The following TSHZ2 variants were observed in gnomAD, a reference collection of about 807,000 sequenced individuals.
TSHZ2 encodes the protein teashirt homolog 2.
Under a neutral mutation model 74.4 loss-of-function variants are expected in TSHZ2, and 21 were observed. The observed-to-expected ratio is 0.28, with a 90% confidence interval of 0.20 to 0.41. The LOEUF is 0.41. TSHZ2 is among the 10% of genes least tolerant of loss of function. The pLI is 1.00. For missense variants in TSHZ2, 1,244 were observed against 1,293.5 expected, an observed-to-expected ratio of 0.96 and a Z score of 0.59; for synonymous variants, 540 against 515.3, an observed-to-expected ratio of 1.05 and a Z score of -0.65.
At chr20:53,429,381 C>G (rs1012283384) in intron 2 of TSHZ2, among the ~76,000 whole-genome samples, 1 of 152,212 alleles carries the variant, frequency 6.6e-6, no homozygotes, top group African/African-American at 2.4e-5. Context: ...TGAATTCCCA[C>G]GTGTTGTGGG....
At chr20:53,116,404 T>A (rs1461522759) in intron 1 of TSHZ2, among the ~76,000 whole-genome samples, 1 of 152,142 alleles carries the variant, frequency 6.6e-6, no homozygotes, top group African/African-American at 2.4e-5. Flanking sequence ...ACAGGCCACC[T>A]CTCTGGGTGC....
chr20:53,181,886 T>C (rs904935545), intron 1 of TSHZ2, among the ~76,000 whole-genome samples: 1 of 152,146 alleles, frequency 6.6e-6, no homozygotes, highest in South Asian at 2.1e-4. Context: ...AGACAGCCAG[T>C]GTGGCTGACC....
At chr20:53,233,552 T>C (rs1481046049) in intron 1 of TSHZ2, among the ~76,000 whole-genome samples, 1 of 152,206 alleles carries the variant, frequency 6.6e-6, no homozygotes, top group African/African-American at 2.4e-5. Flanking sequence ...AGATTTAGTA[T>C]TATAATTATC....
rs1013724209 is a variant in TSHZ2, at chr20:53,389,987, G to A, written c.*9-97157G>A. 4.6e-5 allele frequency among the ~76,000 whole-genome samples: 7 copies of A among 152,338 alleles called. 1 individual carries two copies. The highest frequency in any genetic ancestry group is 6.8e-3 in the Middle Eastern group (2 of 294). On this transcript the variant is annotated intron_variant, in intron 2 of 2. Transcript: ENST00000371497. ...AATGCAAAGCAAGTTTAAACTTTGT[G>A]TGTTGGAATAAGGATGTCTCAGGAC...
At chr20:53,281,620 T>C (rs1991062853) in intron 2 of TSHZ2, among the ~76,000 whole-genome samples, 1 of 152,172 alleles carries the variant, frequency 6.6e-6, no homozygotes, top group South Asian at 2.1e-4. Context: ...GGATAGTGTC[T>C]CATGTGGGGG....
rs71194478 is a variant in TSHZ2, at chr20:53,436,536, A to ATTTT, written c.*9-50606_*9-50605insTTTT. Among the ~76,000 whole-genome samples the ATTTT allele has an allele frequency of 1.3e-3, 105 of 83,498 alleles. 1 individual carries two copies. Among genetic ancestry groups the ATTTT allele is most frequent in the East Asian group, 4.0e-3 (10 of 2,484 alleles). 54.8% of individuals were successfully genotyped at this position (83,498 alleles called of 152,430 possible). A position where few individuals can be genotyped will look rare whatever the true frequency, so the allele number is the denominator to read the frequency against. ...CTTATTTTATTTATTTATTATTATT[A>ATTTT]TTATTATTATTATTTTTTTTTTTTT... On this transcript the variant is annotated intron_variant, in intron 2 of 2. Transcript: ENST00000371497.
intron 2 of TSHZ2, among the ~76,000 whole-genome samples, chr20:53,433,157 G>T (rs1050831110): frequency 1.3e-5 from 2 of 152,150 alleles, no homozygotes; most frequent in African/African-American, 4.8e-5. Flanking sequence ...GTCATCCTTA[G>T]CTGCAAGATG....
intron 2 of TSHZ2, among the ~76,000 whole-genome samples, chr20:53,353,037 A>G (rs1398474691): frequency 1.3e-5 from 2 of 152,208 alleles, no homozygotes; most frequent in Admixed American, 6.5e-5. Flanking sequence ...AACAATTTGT[A>G]TTACTTAGAA....
chr20:53,453,424 A>T (rs1011419407), intron 2 of TSHZ2, among the ~76,000 whole-genome samples: 4 of 152,246 alleles, frequency 2.6e-5, no homozygotes, highest in Non-Finnish European at 5.9e-5. Flanking sequence ...TAGAAACAAC[A>T]ACAAATTAAA....
chr20:53,223,922 CA>C (rs1989623440), intron 1 of TSHZ2, among the ~76,000 whole-genome samples: 1 of 147,768 alleles, frequency 6.8e-6, no homozygotes, highest in Non-Finnish European at 1.5e-5. Flanking sequence ...CACACACACA[CA>C]CACACACACC....
At chr20:52,995,652 G>T (rs148666055) in intron 1 of TSHZ2, among the ~76,000 whole-genome samples, 2 of 141,476 alleles carry the variant, frequency 1.4e-5, no homozygotes, top group African/African-American at 5.4e-5. Context: ...TCGCTCTGTC[G>T]CCCAGGCTGG....
rs1290400861 is a variant in TSHZ2, at chr20:53,074,734, T to TCAGGCA, written c.40+101404_40+101409dup. Among the ~76,000 whole-genome samples the TCAGGCA allele has an allele frequency of 6.6e-6, 1 of 152,234 alleles. No homozygotes were observed. The highest frequency in any genetic ancestry group is 1.9e-4 in the East Asian group (1 of 5,200). ...TATAGTCTGAATTTTAAAGAAAAAT[T>TCAGGCA]CAGGCACATCTACTCTGTGCCAGGG... On this transcript the variant is annotated intron_variant, in intron 1 of 2. Transcript: ENST00000371497. The surrounding 1 kb of genome is among the most constrained non-coding windows in gnomAD (Gnocchi z 5.9).
In TSHZ2 at chr20:52,988,204, C is replaced by T. The variant is rs148597627; in HGVS notation, c.40+14871C>T. ...TACCATTTCTTGACCCATATAACAA[C>T]GAAGCCAAAAGGACTAAGCTTGTAC... On this transcript the variant is annotated intron_variant, in intron 1 of 2. Coordinates refer to ENST00000371497, the MANE Select transcript of TSHZ2 (RefSeq NM_173485.6). Among the ~76,000 whole-genome samples, 721 of 152,170 alleles carry T rather than the reference C, an allele frequency of 4.7e-3. 4 individuals carry two copies. The highest frequency in any genetic ancestry group is 0.017 in the Middle Eastern group (5 of 294).
intron 1 of TSHZ2, among the ~76,000 whole-genome samples, chr20:53,116,842 G>C (rs1432989659): frequency 1.3e-5 from 2 of 151,990 alleles, no homozygotes; most frequent in Non-Finnish European, 2.9e-5. Context: ...AGTCAGTCTG[G>C]GCTACTATAG....
intron 2 of TSHZ2, among the ~76,000 whole-genome samples, chr20:53,411,397 C>G (rs893403935): frequency 6.6e-6 from 1 of 152,152 alleles, no homozygotes; most frequent in Non-Finnish European, 1.5e-5. Flanking sequence ...TGGCCTGGGG[C>G]AATTAGGAAA....
intron 2 of TSHZ2, among the ~76,000 whole-genome samples, chr20:53,355,860 G>T (rs373978614): frequency 6.6e-6 from 1 of 152,234 alleles, no homozygotes; most frequent in Non-Finnish European, 1.5e-5. Context: ...ACTGACATAG[G>T]ACTTATGCAA....
chr20:53,326,865 C>G (rs770294197), intron 2 of TSHZ2, among the ~76,000 whole-genome samples: 1 of 152,060 alleles, frequency 6.6e-6, no homozygotes, highest in South Asian at 2.1e-4. Context: ...TGCAAACTGG[C>G]GAAAATTAGC....
intron 2 of TSHZ2, among the ~76,000 whole-genome samples, chr20:53,322,167 C>A (rs555974792): frequency 2.2e-4 from 34 of 152,196 alleles, no homozygotes; most frequent in African/African-American, 7.2e-4. Flanking sequence ...CAATTTTATT[C>A]GAGATCAGAA....
At chr20:53,426,706 G>A (rs1983669730) in intron 2 of TSHZ2, among the ~76,000 whole-genome samples, 1 of 152,160 alleles carries the variant, frequency 6.6e-6, no homozygotes, top group Non-Finnish European at 1.5e-5. Flanking sequence ...TTGCTTTAAA[G>A]TTCAATGATG....
Sources: allele counts gnomAD v4.1 joint callset (sites outside exome capture counted in the v4.1 genomes callset), GRCh38; gene constraint gnomAD v4.1.1; non-coding constraint Gnocchi (gnomAD v3.1); transcripts MANE v1.5; gene names NCBI Gene and HGNC (gene_info 2026-07-23, HGNC 2026-07-21).